TNPO1: variants seen among roughly 807,000 people sequenced by gnomAD.
TNPO1 encodes the protein transportin-1.
Under a neutral mutation model 119.5 loss-of-function variants are expected in TNPO1, and 8 were observed. The observed-to-expected ratio is 0.07, with a 90% confidence interval of 0.04 to 0.12. The LOEUF is 0.12. TNPO1 is among the 10% of genes least tolerant of loss of function. The pLI, the probability that TNPO1 is intolerant of heterozygous loss-of-function variation, is 1.00. For synonymous variants in TNPO1, 362 were observed against 363.0 expected (o/e 1.00, Z 0.03); for missense variants, 576 against 1,089.8 (o/e 0.53, Z 6.64).
chr5:72,880,338 C>T (rs1301289740), intron 9 of TNPO1, among the ~76,000 whole-genome samples: 1 of 151,968 alleles, frequency 6.6e-6, no homozygotes, highest in African/African-American at 2.4e-5. Context: ...TATAGCAGCT[C>T]TTGATTTCTC....
intron 1 of TNPO1, chr5:72,848,082 C>G (rs1745216953): frequency 9.0e-7 from 1 of 1,108,336 alleles, no homozygotes; most frequent in Non-Finnish European, 1.1e-6. Flanking sequence ...CAGGGGGCTC[C>G]CGTGAGCGGA....
chr5:72,848,709 C>G (rs1216740645), intron 2 of TNPO1, among the ~76,000 whole-genome samples: 1 of 147,698 alleles, frequency 6.8e-6, no homozygotes, highest in Non-Finnish European at 1.5e-5. Context: ...CCGGGGGCGC[C>G]GCCGCGTGGG....
chr5:72,824,043 G>A (rs1034532932), intron 1 of TNPO1, among the ~76,000 whole-genome samples: 1 of 152,104 alleles, frequency 6.6e-6, no homozygotes, highest in African/African-American at 2.4e-5. Flanking sequence ...ACATACCTCT[G>A]GCACTCTATT....
Position 72,861,899 on chromosome 5 carries a change from T to C in TNPO1, c.447T>C (p.Asp149=). The change falls in exon 5 of 25, where the codon GAT becomes GAC. Residue 149 remains aspartate, a synonymous_variant. Coordinates refer to ENST00000337273, the MANE Select transcript of TNPO1 (RefSeq NM_002270.4). ...PKLCSLLDSE[D]YNTCEGAFGA... is the part of the protein sequence containing the mutation. ...TCTGTAGCCTGTTGGATTCTGAAGATTATAATACCTGTGAGGTAAGGATAT... is the reference window on the plus strand; with the variant it reads ...TCTGTAGCCTGTTGGATTCTGAAGACTATAATACCTGTGAGGTAAGGATAT... The C allele has an allele frequency of 6.2e-7, 1 of 1,610,122 alleles. No individual in the cohort carries two copies. The highest frequency in any genetic ancestry group is 1.1e-5 in the South Asian group (1 of 91,004).
At position 72,891,799 on chromosome 5, in the gene TNPO1, A is replaced by G. The variant is rs763061667; in HGVS notation, c.1702-11A>G. 1.9e-6 allele frequency: 3 copies of G among 1,573,642 alleles called. No individual in the cohort carries two copies. Among genetic ancestry groups the G allele is most frequent in the Non-Finnish European group, 2.6e-6 (3 of 1,152,520 alleles). ...AGTGGAATTTTATATGTTTTTCATC[A>G]TTGTAAATAGGAATATATTCAGATG... On this transcript the variant is annotated splice_polypyrimidine_tract_variant and intron_variant, in intron 14 of 24. Transcript: ENST00000337273.
chr5:72,851,006 T>C (rs927178951), intron 2 of TNPO1, among the ~76,000 whole-genome samples: 9 of 152,210 alleles, frequency 5.9e-5, no homozygotes, highest in African/African-American at 2.2e-4. Context: ...AACTTTCTTA[T>C]GTTGTATTGC....
At position 72,883,231 on chromosome 5, in the gene TNPO1, A is replaced by C. The variant is rs184513848; in HGVS notation, c.1149A>C (p.Leu383=). 2 of 1,441,744 alleles carry C rather than the reference A, an allele frequency of 1.4e-6. No individual in the cohort carries two copies. The highest frequency in any genetic ancestry group is 4.5e-5 in the East Asian group (2 of 44,092). The allele number at this position is 1,441,744 out of a possible 1,614,324, so 89.3% of individuals were successfully genotyped here. A position where few individuals can be genotyped will look rare whatever the true frequency, so the allele number is the denominator to read the frequency against. The stretch of plus-strand genomic sequence containing the variant: ...ATGATACAATTTCTGACTGGAATCT[A>C]AGTAAGTCAGAAAGGGAAAAGCACA... ...DDDDTISDWN[L]RKCSAAALDV... The change falls in exon 11 of 25, where the codon CTA becomes CTC. Residue 383 remains leucine, a splice_region_variant and synonymous_variant. Transcript: ENST00000337273.
Position 72,911,251 on chromosome 5 carries a change from A to C in TNPO1, c.*2578A>C, listed in dbSNP as rs191733959. The stretch of plus-strand genomic sequence containing the variant: ...GGCAATATTGTCACCTGTCTCATTA[A>C]AAATTAGTTTCCAGTTAGGCAGATG... On this transcript the variant is annotated 3_prime_UTR_variant, in exon 25 of 25. Coordinates refer to ENST00000337273, the MANE Select transcript of TNPO1 (RefSeq NM_002270.4). 6.6e-6 allele frequency: 1 copy of C among 152,276 alleles called. No individual in the cohort carries two copies. Among genetic ancestry groups the C allele is most frequent in the Non-Finnish European group, 1.5e-5 (1 of 67,956 alleles). The allele number at this position is 152,276 out of a possible 1,614,324, so 9.4% of individuals were successfully genotyped here.
At position 72,908,995 on chromosome 5, in the gene TNPO1, A is replaced by G. The variant is rs1365114763; in HGVS notation, c.*322A>G. 2.5e-6 allele frequency: 1 copy of G among 407,184 alleles called. No homozygotes were observed. The highest frequency in any genetic ancestry group is 4.9e-6 in the Non-Finnish European group (1 of 203,684). 25.2% of individuals were successfully genotyped at this position (407,184 alleles called of 1,614,324 possible). On this transcript the variant is annotated 3_prime_UTR_variant, in exon 25 of 25. Transcript: ENST00000337273. ...CTACTCACAAAACAGTACATTGTGG[A>G]ATATTATGGGGAATTGTACCAAAAC...
intron 7 of TNPO1, among the ~76,000 whole-genome samples, chr5:72,875,414 G>T (rs1747686611): frequency 6.6e-6 from 1 of 152,164 alleles, no homozygotes; most frequent in Non-Finnish European, 1.5e-5. Flanking sequence ...TATCAGAAAA[G>T]AATAGCTCTT....
chr5:72,848,281 G>A (rs1247817941), intron 1 of TNPO1, 104 bp from the exon 2 acceptor site: 1 of 1,338,264 alleles, frequency 7.5e-7, no homozygotes, highest in African/African-American at 1.5e-5. Flanking sequence ...CGCTGGGGTT[G>A]TGGTGGCGGG....
At chr5:72,886,859 A>T (rs2112436833) in intron 11 of TNPO1, among the ~76,000 whole-genome samples, 1 of 132,396 alleles carries the variant, frequency 7.6e-6, no homozygotes, top group African/African-American at 2.9e-5. Flanking sequence ...ACTGCACTCC[A>T]GCCTGAGCGA....
intron 6 of TNPO1, among the ~76,000 whole-genome samples, chr5:72,869,856 ATTAT>A (rs1185340677): frequency 6.6e-6 from 1 of 152,222 alleles, no homozygotes; most frequent in Non-Finnish European, 1.5e-5. Flanking sequence ...GACATGAGTA[ATTAT>A]TCTGCCTTTG....
chr5:72,825,865 G>C (rs2112173125), intron 1 of TNPO1: 1 of 152,292 alleles, frequency 6.6e-6, no homozygotes, highest in Middle Eastern at 3.4e-3. Context: ...CTCATTTATG[G>C]TATTTTGTTA....
In TNPO1 at chr5:72,816,698, G is replaced by T. The variant is rs890098200; in HGVS notation, c.-40G>T. 6.4e-7 allele frequency: 1 copy of T among 1,554,504 alleles called. No homozygotes were observed. The highest frequency in any genetic ancestry group is 1.2e-5 in the South Asian group (1 of 83,342). On this transcript the variant is annotated 5_prime_UTR_variant, in exon 1 of 25. Coordinates refer to ENST00000337273, the MANE Select transcript of TNPO1 (RefSeq NM_002270.4). ...TTTCAGGCCCCGGACAGGAGGCAGT[G>T]CCGCTTCGGCCGAAGGCCCGAGCGC...
In TNPO1 at chr5:72,883,050, TAAAA is replaced by T. The variant is rs771672745; in HGVS notation, c.982-10_982-7del. 22 of 1,606,416 alleles carry T rather than the reference TAAAA, an allele frequency of 1.4e-5. No individual in the cohort carries two copies. Among genetic ancestry groups the T allele is most frequent in the Non-Finnish European group, 1.9e-5 (22 of 1,175,480 alleles). ...AATGAATGCCACCAAAAATTTCTCTTAAAAAAACAACAGGGTGATGTTGAAGAAG... is the reference window on the plus strand; with the variant it reads ...AATGAATGCCACCAAAAATTTCTCTTAAACAACAGGGTGATGTTGAAGAAG... On this transcript the variant is annotated splice_polypyrimidine_tract_variant and intron_variant, in intron 10 of 24. Transcript: ENST00000337273.
chr5:72,864,456 TAC>T (rs1746730870), intron 5 of TNPO1, among the ~76,000 whole-genome samples: 1 of 152,216 alleles, frequency 6.6e-6, no homozygotes, highest in Non-Finnish European at 1.5e-5. Flanking sequence ...ACATGTTATG[TAC>T]AAAGTCTCTG....
chr5:72,859,762 G>A (rs1413757698), intron 4 of TNPO1, among the ~76,000 whole-genome samples: 6 of 152,076 alleles, frequency 3.9e-5, no homozygotes, highest in African/African-American at 1.2e-4. Context: ...TGTGTATTTG[G>A]CATTATTGGG....
At chr5:72,905,188 C>A in intron 23 of TNPO1, 115 bp from the exon 24 acceptor site, 2 of 774,398 alleles carry the variant, frequency 2.6e-6, no homozygotes, top group African/African-American at 1.8e-5. Context: ...TTGAGAATTG[C>A]TACTTTAAAA....
Sources: allele counts gnomAD v4.1 joint callset (sites outside exome capture counted in the v4.1 genomes callset), GRCh38; gene constraint gnomAD v4.1.1; transcripts MANE v1.5; gene names NCBI Gene and HGNC (gene_info 2026-07-23, HGNC 2026-07-21).